Variants in ATP8B1 observed in about 807,000 individuals in gnomAD.
ATP8B1 encodes ATPase phospholipid transporting 8B1.
Under a neutral mutation model 149.9 loss-of-function variants are expected in ATP8B1, and 80 were observed. That is an observed-to-expected ratio of 0.53 (90% confidence interval 0.45 to 0.64). The LOEUF (loss-of-function observed/expected upper bound fraction) is 0.64. Ranked by LOEUF, ATP8B1 falls within the 30% of genes least tolerant of loss-of-function variation. The probability of loss-of-function intolerance (pLI) is 0.00; values close to 1 mark genes in which losing one functional copy is unlikely to be tolerated. For synonymous variants in ATP8B1, 536 were observed against 562.8 expected (o/e 0.95, Z 0.67); for missense variants, 1,247 against 1,552.6 (o/e 0.80, Z 3.31).
rs565505382 is a variant in ATP8B1 at position 57,664,453 on chromosome 18, C to A, written c.2286-1838G>T. On this transcript the variant is annotated intron_variant, in intron 20 of 27. Transcript: ENST00000648908. ...CCCAGGAGGCGGAGGTTGCAATGAG[C>A]CAAGATTGCACCACTGCACTCCAGC... 8.4e-5 allele frequency among the ~76,000 whole-genome samples: 12 copies of A among 142,778 alleles called. No individual in the cohort carries two copies. The South Asian group carries it at 1.8e-3, about 21-fold the overall frequency. 93.7% of individuals were successfully genotyped at this position (142,778 alleles called of 152,430 possible). A position where few individuals can be genotyped will look rare whatever the true frequency, so the allele number is the denominator to read the frequency against.
rs570801112 is a variant in ATP8B1, at chr18:57,650,612, G to A, written c.3401-115C>T. On this transcript the variant is annotated intron_variant, in intron 26 of 27. Coordinates refer to ENST00000648908, the MANE Select transcript of ATP8B1 (RefSeq NM_001374385.1). ...AATCCTAACACTTTGAGAGGCCAAG[G>A]TGGGTGGATTGCCAGAGCTCAGGAG... The A allele has an allele frequency of 3.8e-6, 5 of 1,303,368 alleles. No individual in the cohort carries two copies. The South Asian group carries it at 6.0e-5, about 16-fold the overall frequency. 80.7% of individuals were successfully genotyped at this position (1,303,368 alleles called of 1,614,324 possible).
Position 57,674,369 on chromosome 18 carries a change from G to GA in ATP8B1, c.1819+464dup, listed in dbSNP as rs201550148. On this transcript the variant is annotated intron_variant, in intron 16 of 27. Transcript: ENST00000648908. The stretch of plus-strand genomic sequence containing the variant: ...AGTAGGGAACACAGTGAAGAATGAA[G>GA]AAAACAATACCAGTTTCTTTTTTTT... 3.9e-4 allele frequency among the ~76,000 whole-genome samples: 57 copies of GA among 144,470 alleles called. 1 individual carries two copies. The East Asian group carries it at 6.6e-3, about 17-fold the overall frequency. The allele number at this position is 144,470 out of a possible 152,430, so 94.8% of individuals were successfully genotyped here.
At chr18:57,672,927 TATATAA>T (rs1184524520) in intron 16 of ATP8B1, among the ~76,000 whole-genome samples, 528 of 36,926 alleles carry the variant, frequency 0.014, 41 homozygotes, top group Admixed American at 0.029. Context: ...TATATATATA[TATATAA>T]CATGTATATA....
chr18:57,756,192 C>CATATATATATATATATATATATAT (rs147263393), intron 1 of ATP8B1, among the ~76,000 whole-genome samples: 55 of 84,684 alleles, frequency 6.5e-4, no homozygotes, highest in African/African-American at 1.7e-3. Context: ...ATTTCCACAA[C>CATATATATATATATATATATATAT]ATATATATAT....
rs377375364 is a variant in ATP8B1, at chr18:57,691,359, G to A, written c.1220+448C>T. 8.8e-4 allele frequency among the ~76,000 whole-genome samples: 134 copies of A among 152,188 alleles called. 3 individuals carry two copies. The South Asian group carries it at 0.017, about 19-fold the overall frequency. ...TCTTTCCTACTAGGAGGTAGTGGCCGGAAAGCACAAGTTCTCCACCTTGGG... is the reference window on the plus strand; with the variant it reads ...TCTTTCCTACTAGGAGGTAGTGGCCAGAAAGCACAAGTTCTCCACCTTGGG... On this transcript the variant is annotated intron_variant, in intron 12 of 27. Transcript: ENST00000648908.
At position 57,660,925 on chromosome 18, in the gene ATP8B1, C is replaced by T. The variant is rs186745956; in HGVS notation, c.2707+249G>A. 2.0e-3 allele frequency among the ~76,000 whole-genome samples: 299 copies of T among 152,240 alleles called. 1 individual carries two copies. The highest frequency in any genetic ancestry group is 6.4e-3 in the African/African-American group (266 of 41,528). Reference sequence around the variant, plus strand: ...TAAAAATATAAGGATAAATTTCCCCCCATAGACCTTATTTTCCTCTTCGCA... The same window carrying T: ...TAAAAATATAAGGATAAATTTCCCCTCATAGACCTTATTTTCCTCTTCGCA... On this transcript the variant is annotated intron_variant, in intron 22 of 27. Coordinates refer to ENST00000648908, the MANE Select transcript of ATP8B1 (RefSeq NM_001374385.1).
intron 26 of ATP8B1, among the ~76,000 whole-genome samples, chr18:57,651,349 A>G (rs1162358545): frequency 6.6e-6 from 1 of 152,064 alleles, no homozygotes; most frequent in African/African-American, 2.4e-5. Flanking sequence ...CAAGTGATCC[A>G]CCCATATTGG....
At chr18:57,774,886 T>C (rs762229688) in intron 1 of ATP8B1, among the ~76,000 whole-genome samples, 15 of 152,202 alleles carry the variant, frequency 9.9e-5, no homozygotes, top group Non-Finnish European at 1.9e-4. Context: ...TAATACCACA[T>C]ATTAGTGTGT....
In ATP8B1 at chr18:57,661,149, C is replaced by T. The variant is rs754099805; in HGVS notation, c.2707+25G>A. The T allele has an allele frequency of 9.9e-6, 16 of 1,611,592 alleles. No homozygotes were observed. The Admixed American group carries it at 2.7e-4, about 27-fold the overall frequency. On this transcript the variant is annotated intron_variant, in intron 22 of 27. Coordinates refer to ENST00000648908, the MANE Select transcript of ATP8B1 (RefSeq NM_001374385.1). ...TTCTCCTCTCTAGCACGTTGGGCCT[C>T]ACTGGCCGTGGGTGCATGACTCACT...
intron 24 of ATP8B1, among the ~76,000 whole-genome samples, chr18:57,653,258 G>A (rs1010269328): frequency 9.3e-5 from 14 of 150,986 alleles, no homozygotes; most frequent in African/African-American, 3.4e-4. Flanking sequence ...TGGACTCTCG[G>A]GTGCCTTTTT....
intron 2 of ATP8B1, among the ~76,000 whole-genome samples, chr18:57,710,277 A>G (rs562237704): frequency 5.5e-4 from 84 of 152,250 alleles, no homozygotes; most frequent in Non-Finnish European, 1.0e-3. Context: ...CTATCCATGT[A>G]CATGTACAGA....
At chr18:57,778,432 A>T (rs1001893773) in intron 1 of ATP8B1, among the ~76,000 whole-genome samples, 12 of 151,428 alleles carry the variant, frequency 7.9e-5, no homozygotes, top group Admixed American at 7.9e-4. Context: ...GGGTTTCACC[A>T]TGTTAGCCAG....
chr18:57,662,793 A>C (rs1011534069), intron 20 of ATP8B1, among the ~76,000 whole-genome samples, 178 bp from the exon 21 acceptor site: 4 of 152,080 alleles, frequency 2.6e-5, no homozygotes, highest in African/African-American at 9.7e-5. Flanking sequence ...TCACTCTGTC[A>C]CCCAGGCTGG....
chr18:57,716,299 CA>C (rs1191347308), intron 2 of ATP8B1, among the ~76,000 whole-genome samples: 1 of 151,784 alleles, frequency 6.6e-6, no homozygotes, highest in East Asian at 1.9e-4. Context: ...AAGAGAAGAC[CA>C]CAAAGCCACC....
chr18:57,758,427 G>T (rs1013252895), intron 1 of ATP8B1, among the ~76,000 whole-genome samples: 2 of 151,134 alleles, frequency 1.3e-5, no homozygotes, highest in African/African-American at 4.9e-5. Flanking sequence ...GATCACCTGA[G>T]GTCAGGAGTT....
rs1913409843 is a variant in ATP8B1, at chr18:57,706,607, A to G, written c.182-20T>C. The G allele has an allele frequency of 6.4e-7, 1 of 1,574,586 alleles. No homozygotes were observed. The highest frequency in any genetic ancestry group is 1.7e-5 in the Admixed American group (1 of 59,066). On this transcript the variant is annotated intron_variant, in intron 2 of 27. Transcript: ENST00000648908. ...TACATTCTTTAAAAAAAAGGGAGAA[A>G]AGTTCGTAAGTAGCAAATTAACATG...
Position 57,802,006 on chromosome 18 carries a change from A to G in ATP8B1, c.-26+992T>C, listed in dbSNP as rs1326712296. On this transcript the variant is annotated intron_variant, in intron 1 of 27. Coordinates refer to ENST00000648908, the MANE Select transcript of ATP8B1 (RefSeq NM_001374385.1). This position sits in a 1 kb window ranked among gnomAD's most constrained non-coding sequence, Gnocchi z 4.9. The stretch of plus-strand genomic sequence containing the variant: ...CTTCCCCAATTTGCATCCTTACTGC[A>G]ATCCAGTCTCCCCCGTACAACCGTC... The G allele has an allele frequency of 6.8e-6, 1 of 147,474 alleles. No individual in the cohort carries two copies. The highest frequency in any genetic ancestry group is 1.5e-5 in the Non-Finnish European group (1 of 66,792). 9.1% of individuals were successfully genotyped at this position (147,474 alleles called of 1,614,324 possible).
At position 57,759,155 on chromosome 18, in the gene ATP8B1, C is replaced by CAAAAAAAAAAAAAAAA. The variant is rs566728161; in HGVS notation, c.-25-27339_-25-27324dup. 5.9e-4 allele frequency among the ~76,000 whole-genome samples: 63 copies of CAAAAAAAAAAAAAAAA among 106,268 alleles called. 1 individual carries two copies. Among genetic ancestry groups the CAAAAAAAAAAAAAAAA allele is most frequent in the South Asian group, 1.1e-3 (3 of 2,856 alleles). 69.7% of individuals were successfully genotyped at this position (106,268 alleles called of 152,430 possible). ...TGGGCGACAGAACGAGATTCCATCT[C>CAAAAAAAAAAAAAAAA]AAAAAAAAAAAAAAAAAAAAAAAAA... On this transcript the variant is annotated intron_variant, in intron 1 of 27. Transcript: ENST00000648908.
chr18:57,684,976 G>A (rs191493269), intron 14 of ATP8B1, 96 bp downstream of exon 14: 137 of 1,487,834 alleles, frequency 9.2e-5, no homozygotes, highest in Non-Finnish European at 1.1e-4. Context: ...AAGAGGCAAC[G>A]AAAGAGTCTT....
Sources: gnomAD v4.1 joint callset for allele counts (sites outside exome capture counted in the v4.1 genomes callset) on GRCh38, gnomAD v4.1.1 for gene constraint, Gnocchi (gnomAD v3.1) non-coding constraint, MANE v1.5 for transcripts, NCBI Gene and HGNC (gene_info 2026-07-23, HGNC 2026-07-21) for gene names.